The following PLCXD2 variants were observed in gnomAD, a reference collection of about 807,000 sequenced individuals.
The protein encoded by PLCXD2 is PI-PLC X domain-containing protein 2.
A neutral mutation model predicts 28.6 loss-of-function variants in PLCXD2; 21 were observed. The observed-to-expected ratio is 0.73, with a 90% CI of 0.52 to 1.06. The LOEUF (loss-of-function observed/expected upper bound fraction) is 1.06. Ranked by LOEUF, PLCXD2 falls within the 50% of genes least tolerant of loss-of-function variation. The probability of loss-of-function intolerance (pLI) is 0.00; values close to 1 mark genes in which losing one functional copy is unlikely to be tolerated. For missense variants in PLCXD2, 369 were observed against 376.7 expected, an observed-to-expected ratio of 0.98 and a Z score of 0.17; for synonymous variants, 140 against 150.1, an observed-to-expected ratio of 0.93 and a Z score of 0.49.
At chr3:111,684,809 C>A (rs1940769624) in intron 1 of PLCXD2, among the ~76,000 whole-genome samples, 1 of 151,988 alleles carries the variant, frequency 6.6e-6, no homozygotes, top group African/African-American at 2.4e-5. Flanking sequence ...ACCAAGGGGA[C>A]CAATTAGGTT....
intron 1 of PLCXD2, among the ~76,000 whole-genome samples, chr3:111,686,889 T>A (rs1013920691): frequency 6.6e-6 from 1 of 152,172 alleles, no homozygotes; most frequent in Non-Finnish European, 1.5e-5. Flanking sequence ...CACATTCCTC[T>A]TCATTGACCC....
chr3:111,690,548 G>C (rs1408341645), intron 1 of PLCXD2, among the ~76,000 whole-genome samples: 1 of 152,232 alleles, frequency 6.6e-6, no homozygotes, highest in Non-Finnish European at 1.5e-5. Flanking sequence ...GCTTTAGCAG[G>C]TGTGTAAGCT....
intron 1 of PLCXD2, among the ~76,000 whole-genome samples, chr3:111,693,977 A>G (rs139699523): frequency 1.2e-3 from 185 of 152,374 alleles, no homozygotes; most frequent in African/African-American, 4.2e-3. Context: ...TGTGCTTCAG[A>G]CAGCTTAATA....
intron 1 of PLCXD2, among the ~76,000 whole-genome samples, chr3:111,681,169 A>G (rs971210879): frequency 2.0e-5 from 3 of 152,156 alleles, no homozygotes; most frequent in Admixed American, 6.5e-5. Context: ...AAGTTAAGGG[A>G]AGGATACACG....
chr3:111,709,875 T>A (rs139489446), intron 2 of PLCXD2, among the ~76,000 whole-genome samples: 4 of 152,212 alleles, frequency 2.6e-5, no homozygotes, highest in African/African-American at 7.2e-5. Flanking sequence ...TGGCACAGGA[T>A]GTTGTGGCCT....
intron 3 of PLCXD2, chr3:111,726,795 A>C (rs968634452): frequency 2.0e-5 from 3 of 152,208 alleles, no homozygotes; most frequent in African/African-American, 7.2e-5. Flanking sequence ...TCATTTTAAC[A>C]GTGAAAAAAA....
intron 3 of PLCXD2, chr3:111,725,772 G>A: frequency 2.5e-6 from 1 of 398,556 alleles, no homozygotes. Flanking sequence ...TATTTGGGGG[G>A]AATTCAGGCT....
chr3:111,698,381 T>C (rs1045205277), intron 1 of PLCXD2, among the ~76,000 whole-genome samples: 1 of 152,218 alleles, frequency 6.6e-6, no homozygotes, highest in Non-Finnish European at 1.5e-5. Context: ...ACAGACTCTG[T>C]GCCCCTATCC....
At chr3:111,701,368 A>G (rs1201606477) in intron 1 of PLCXD2, among the ~76,000 whole-genome samples, 1 of 152,206 alleles carries the variant, frequency 6.6e-6, no homozygotes, top group East Asian at 1.9e-4. Context: ...ATTTGGGGTG[A>G]GAAAATATTT....
intron 1 of PLCXD2, among the ~76,000 whole-genome samples, chr3:111,675,896 C>G (rs1360438911): frequency 1.3e-5 from 2 of 152,110 alleles, no homozygotes; most frequent in African/African-American, 2.4e-5. Context: ...AGAATCAGAA[C>G]TGAGTATAAA....
rs766649145 is a variant in PLCXD2, at chr3:111,675,299, C to G, written c.54C>G (p.Ser18=). ...AACTCAGGATGGGGACCATCTGCTCCCCCAACCCCAGCGGGACAAAGACAT... is the reference window on the plus strand; with the variant it reads ...AACTCAGGATGGGGACCATCTGCTCGCCCAACCCCAGCGGGACAAAGACAT... Residue 18 remains serine (S), a synonymous_variant, in exon 1 of 5, where the codon TCC becomes TCG. Coordinates refer to ENST00000477665, the MANE Select transcript of PLCXD2 (RefSeq NM_001185106.1). The G allele has an allele frequency of 4.2e-5, 67 of 1,613,976 alleles. 1 individual carries two copies. The highest frequency in any genetic ancestry group is 8.5e-7 in the Non-Finnish European group (1 of 1,180,020).
intron 2 of PLCXD2, among the ~76,000 whole-genome samples, chr3:111,708,764 A>G (rs1463891994): frequency 1.3e-5 from 2 of 152,172 alleles, no homozygotes; most frequent in Non-Finnish European, 2.9e-5. Flanking sequence ...CTTCAACTCA[A>G]TGTCAGATAA....
At chr3:111,718,498 TAGA>T (rs1325917173) in intron 3 of PLCXD2, among the ~76,000 whole-genome samples, 1 of 104,270 alleles carries the variant, frequency 9.6e-6, no homozygotes, top group Admixed American at 1.0e-4. Flanking sequence ...AGATGATAGA[TAGA>T]TAGATAGATA....
chr3:111,677,318 C>G (rs1029421153), intron 1 of PLCXD2: 1 of 152,142 alleles, frequency 6.6e-6, no homozygotes, highest in African/African-American at 2.4e-5. Context: ...AGTTCTCTTT[C>G]CTCTACCTCG....
intron 1 of PLCXD2, among the ~76,000 whole-genome samples, chr3:111,684,645 C>T (rs1940766783): frequency 6.6e-6 from 1 of 151,206 alleles, no homozygotes; most frequent in East Asian, 1.9e-4. Context: ...CGGAACAAAA[C>T]TCCGTCTTAA....
chr3:111,720,961 C>G, intron 3 of PLCXD2: 1 of 412,868 alleles, frequency 2.4e-6, no homozygotes, highest in East Asian at 3.6e-5. Flanking sequence ...TAGGATGGCC[C>G]CTGGGGCAGT....
In PLCXD2 at chr3:111,675,380, C is replaced by T; in HGVS notation, c.135C>T (p.Asn45=). The change falls in exon 1 of 5, where the codon AAC becomes AAT. Residue 45 remains asparagine, a synonymous_variant. Coordinates refer to ENST00000477665, the MANE Select transcript of PLCXD2 (RefSeq NM_001185106.1). ...CCTCGCTCCCCCCTCACCTCCACAA[C>T]CTCCCCCTTTCCAATCTGGCAATCC... 1.2e-6 allele frequency: 2 copies of T among 1,614,178 alleles called. No individual in the cohort carries two copies. Among genetic ancestry groups the T allele is most frequent in the Non-Finnish European group, 8.5e-7 (1 of 1,180,026 alleles).
chr3:111,684,042 C>T (rs1420403900), intron 1 of PLCXD2, among the ~76,000 whole-genome samples: 7 of 152,014 alleles, frequency 4.6e-5, no homozygotes, highest in Admixed American at 4.6e-4. Flanking sequence ...GTCTTAAAAG[C>T]CATGTTAGGC....
chr3:111,720,314 C>T (rs1362647733), intron 3 of PLCXD2, among the ~76,000 whole-genome samples: 1 of 152,058 alleles, frequency 6.6e-6, no homozygotes, highest in Non-Finnish European at 1.5e-5. Context: ...GATTACCCCT[C>T]CTCACAGACA....
Sources: allele counts gnomAD v4.1 joint callset (sites outside exome capture counted in the v4.1 genomes callset), GRCh38; gene constraint gnomAD v4.1.1; transcripts MANE v1.5; gene names NCBI Gene and HGNC (gene_info 2026-07-23, HGNC 2026-07-21).